CLDN16: variants seen among roughly 807,000 people sequenced by gnomAD.
The protein encoded by CLDN16 is claudin 16.
In CLDN16, 13 loss-of-function variants were observed where a neutral mutation model predicts 24.6. The observed-to-expected ratio is 0.53, with a 90% confidence interval of 0.34 to 0.84. The LOEUF (loss-of-function observed/expected upper bound fraction) is 0.84, where lower values mean the gene tolerates loss of function less well. Ranked by LOEUF, CLDN16 falls within the 40% of genes least tolerant of loss-of-function variation. The pLI is 0.01. For missense variants in CLDN16, 298 were observed against 292.7 expected, an observed-to-expected ratio of 1.02 and a Z score of -0.13; for synonymous variants, 116 against 106.7, an observed-to-expected ratio of 1.09 and a Z score of -0.54.
upstream of CLDN16, among the ~76,000 whole-genome samples, chr3:190,318,405 G>T (rs1577391776): frequency 6.6e-6 from 1 of 152,240 alleles, no homozygotes; most frequent in East Asian, 1.9e-4. Context: ...AAGAATTCTG[G>T]CACTGGAAGG....
chr3:190,352,608 G>C (rs1393905201), intron 1 of CLDN16, among the ~76,000 whole-genome samples: 1 of 152,130 alleles, frequency 6.6e-6, no homozygotes. Flanking sequence ...GTTGCGAAAA[G>C]TCGCACAGAA....
chr3:190,347,273 T>C (rs1405808941), intron 1 of CLDN16, among the ~76,000 whole-genome samples: 5 of 152,116 alleles, frequency 3.3e-5, no homozygotes, highest in Non-Finnish European at 7.4e-5. Flanking sequence ...ATAATTTTGA[T>C]GTGATGAGAA....
chr3:190,353,630 C>T (rs1358662740), intron 1 of CLDN16, among the ~76,000 whole-genome samples: 2 of 152,008 alleles, frequency 1.3e-5, no homozygotes, highest in Non-Finnish European at 2.9e-5. Flanking sequence ...ACTTAAGAGT[C>T]GTTCAAACAA....
At chr3:190,386,525 A>C (rs1322287493), upstream of CLDN16, among the ~76,000 whole-genome samples, 2 of 152,146 alleles carry the variant, frequency 1.3e-5, no homozygotes, top group African/African-American at 4.8e-5. Flanking sequence ...TACAATGTGG[A>C]AATGCTGGCC....
chr3:190,373,956 C>T (rs571462556), intron 2 of CLDN16, among the ~76,000 whole-genome samples: 1 of 151,780 alleles, frequency 6.6e-6, no homozygotes, highest in African/African-American at 2.4e-5. Flanking sequence ...TGTTAGGAAA[C>T]TTCTGAATTC....
intron 1 of CLDN16, among the ~76,000 whole-genome samples, chr3:190,333,636 A>C (rs1444126343): frequency 6.6e-6 from 1 of 151,972 alleles, no homozygotes; most frequent in Non-Finnish European, 1.5e-5. Context: ...TATTCTGCCT[A>C]ATGTTCAGCA....
At chr3:190,394,178 A>G (rs953038751) in intron 1 of CLDN16, among the ~76,000 whole-genome samples, 1 of 152,244 alleles carries the variant, frequency 6.6e-6, no homozygotes. Context: ...TTGAGATAAT[A>G]GCATTGTTAA....
intron 1 of CLDN16, among the ~76,000 whole-genome samples, chr3:190,365,766 C>G (rs1193262993): frequency 2.6e-5 from 4 of 151,600 alleles, no homozygotes; most frequent in African/African-American, 7.3e-5. Flanking sequence ...TCTATTTTGT[C>G]TAGGTCTGGC....
the CLDN16 span, chr3:190,305,706 C>CT: frequency 2.0e-5 from 3 of 152,030 alleles, no homozygotes; most frequent in Admixed American, 2.0e-4. Flanking sequence ...GCCAATAATC[C>CT]TTTTTTTAAA....
At chr3:190,407,354 CT>C (rs1003570817) in intron 3 of CLDN16, among the ~76,000 whole-genome samples, 109 of 152,158 alleles carry the variant, frequency 7.2e-4, no homozygotes, top group African/African-American at 2.4e-3. Flanking sequence ...GATCTTAACA[CT>C]AACGTTGATA....
At chr3:190,409,248 A>ATATGCATGTATATATGCACACACGTG (rs1189110442) in intron 4 of CLDN16, among the ~76,000 whole-genome samples, 4 of 152,078 alleles carry the variant, frequency 2.6e-5, no homozygotes, top group Admixed American at 6.5e-5. Flanking sequence ...GCACACACGT[A>ATATGCATGTATATATGCACACACGTG]TATGCATGTA....
chr3:190,404,800 G>C lies in CLDN16; in HGVS notation c.256G>C (p.Asp86His). 1.9e-6 allele frequency: 3 copies of C among 1,614,180 alleles called. No individual in the cohort carries two copies. In the South Asian group the frequency reaches 3.3e-5, roughly 18 times the overall value. Residue 86 changes from aspartate (D) to histidine (H), a missense_variant, in exon 3 of 5, where the codon GAT becomes CAT. Transcript: ENST00000264734. Reference sequence around the variant, plus strand: ...AACTCGAGCGTTGATGATTACTGCAGATATTCTAGCTGGGTTTGGATTTCT... The same window carrying C: ...AACTCGAGCGTTGATGATTACTGCACATATTCTAGCTGGGTTTGGATTTCT... ...VVTRALMITA[D>H]ILAGFGFLTL...
intron 1 of CLDN16, among the ~76,000 whole-genome samples, chr3:190,398,149 A>G (rs1205716106): frequency 6.6e-6 from 1 of 152,202 alleles, no homozygotes; most frequent in Admixed American, 6.5e-5. Flanking sequence ...GTCAGCTTTG[A>G]GAAGATCTGT....
intron 1 of CLDN16, among the ~76,000 whole-genome samples, chr3:190,401,240 CTGAATATTATTTTATTTT>C (rs766065519): frequency 0.31 from 28,062 of 90,974 alleles, 3,043 homozygotes; most frequent in East Asian, 0.6. Context: ...GCATGTATTC[CTGAATATTATTTTATTTT>C]CCAAAGCAAA....
intron 2 of CLDN16, among the ~76,000 whole-genome samples, chr3:190,372,005 G>T (rs1718153304): frequency 6.6e-6 from 1 of 151,774 alleles, no homozygotes; most frequent in South Asian, 2.1e-4. Context: ...CACATATAAG[G>T]GTGTCTTAGT....
the CLDN16 span, chr3:190,312,800 T>A: frequency 5.2e-6 from 8 of 1,543,814 alleles, no homozygotes; most frequent in Admixed American, 1.3e-4. Context: ...GTATAATGAA[T>A]CCAACGTAAT....
chr3:190,335,435 C>T (rs1717278703), intron 1 of CLDN16, among the ~76,000 whole-genome samples: 1 of 151,426 alleles, frequency 6.6e-6, no homozygotes, highest in South Asian at 2.1e-4. Context: ...TTTATCCTGG[C>T]TGGGTGCAGT....
chr3:190,294,250 T>G, the CLDN16 span, among the ~76,000 whole-genome samples: 1 of 152,172 alleles, frequency 6.6e-6, no homozygotes, highest in Admixed American at 6.5e-5. Context: ...ACCTCATGAC[T>G]TTATCAAAGT....
upstream of CLDN16, chr3:190,322,098 C>T (rs1161949611): frequency 1.9e-6 from 3 of 1,614,206 alleles, no homozygotes; most frequent in South Asian, 3.3e-5. Flanking sequence ...ATGTTGTCGC[C>T]GGCATAGGAG....
Sources: allele counts gnomAD v4.1 joint callset (sites outside exome capture counted in the v4.1 genomes callset), GRCh38; gene constraint gnomAD v4.1.1; transcripts MANE v1.5; gene names NCBI Gene and HGNC (gene_info 2026-07-23, HGNC 2026-07-21).